TTI1: variants seen among roughly 807,000 people sequenced by gnomAD.
TTI1 encodes TELO2-interacting protein 1 homolog.
Under a neutral mutation model 85.4 loss-of-function variants are expected in TTI1, and 52 were observed. That is an observed-to-expected ratio of 0.61 (90% CI 0.49 to 0.77). The LOEUF is 0.77. Ranked by LOEUF, TTI1 falls within the 30% of genes least tolerant of loss-of-function variation. The pLI is 0.00. For synonymous variants in TTI1, 512 were observed against 503.9 expected (o/e 1.02, Z -0.22); for missense variants, 1,173 against 1,296.0 (o/e 0.91, Z 1.46).
intron 7 of TTI1, 33 bp from the exon 8 acceptor site, chr20:37,983,672 TAC>T: frequency 6.9e-7 from 1 of 1,455,928 alleles, no homozygotes; most frequent in Non-Finnish European, 9.1e-7. Flanking sequence ...GAGTAGAGGG[TAC>T]AGAGAGGGAA....
At chr20:38,001,152 C>T (rs1414938982) in intron 4 of TTI1, among the ~76,000 whole-genome samples, 1 of 152,220 alleles carries the variant, frequency 6.6e-6, no homozygotes, top group Non-Finnish European at 1.5e-5. Context: ...CCCCTCTACA[C>T]ATCCTCTGCC....
chr20:38,012,110 A>C lies in TTI1; in HGVS notation c.1707T>G (p.Asn569Lys), dbSNP rs1436101549. The change falls in exon 2 of 8, where the codon AAT becomes AAG. Residue 569 changes from asparagine (N) to lysine (K), a missense_variant. By Grantham distance (94) the Asn-to-Lys change is moderately conservative. Coordinates refer to ENST00000373447, the MANE Select transcript of TTI1 (RefSeq NM_001303457.2). Reference sequence around the variant, plus strand: ...TTTCAAGACAGGTAACCAAATACCAATTTTCTTGACTTGTGTATTCTTCAA... The same window carrying C: ...TTTCAAGACAGGTAACCAAATACCACTTTTCTTGACTTGTGTATTCTTCAA... ...SILEEYTSQE[N>K]WYLVTCLETE... The C allele has an allele frequency of 6.2e-7, 1 of 1,613,954 alleles. No individual in the cohort carries two copies. The highest frequency in any genetic ancestry group is 1.3e-5 in the African/African-American group (1 of 74,868).
rs372320482 is a variant in TTI1, at chr20:37,997,987, T to A, written c.2794-1034A>T. Among the ~76,000 whole-genome samples the A allele has an allele frequency of 1.2e-4, 18 of 152,318 alleles. No homozygotes were observed. The East Asian group carries it at 3.3e-3, about 28-fold the overall frequency. Reference sequence around the variant, plus strand: ...GTCGCACAGGCTGGATGGAGTGCAGTGGCACGATCTTGGCTCACTGCAACC... The same window carrying A: ...GTCGCACAGGCTGGATGGAGTGCAGAGGCACGATCTTGGCTCACTGCAACC... On this transcript the variant is annotated intron_variant, in intron 5 of 7. Transcript: ENST00000373447.
At chr20:38,011,411 C>G in intron 2 of TTI1, 104 bp downstream of exon 2, 1 of 1,292,290 alleles carries the variant, frequency 7.7e-7, no homozygotes, top group Non-Finnish European at 1.0e-6. Flanking sequence ...ATTAAAACGT[C>G]CTCCATAGCA....
chr20:37,985,904 C>T (rs555155469), intron 7 of TTI1, among the ~76,000 whole-genome samples: 42 of 152,240 alleles, frequency 2.8e-4, no homozygotes, highest in Admixed American at 9.8e-4. Context: ...TTTATAACCT[C>T]CATAGTGGTT....
intron 7 of TTI1, among the ~76,000 whole-genome samples, chr20:37,986,770 C>G (rs895795462): frequency 2.0e-5 from 3 of 152,206 alleles, no homozygotes; most frequent in Non-Finnish European, 4.4e-5. Flanking sequence ...GAGAGGGACA[C>G]AGAGTCTGAG....
chr20:37,996,270 G>T, intron 7 of TTI1, 105 bp downstream of exon 7: 3 of 1,158,910 alleles, frequency 2.6e-6, no homozygotes, highest in Non-Finnish European at 3.8e-6. Context: ...AACCTGGCAG[G>T]GTGACAGAGA....
At position 38,012,262 on chromosome 20, in the gene TTI1, G is replaced by A. The variant is rs750116049; in HGVS notation, c.1555C>T (p.Arg519Trp). 9.3e-6 allele frequency: 15 copies of A among 1,614,024 alleles called. No homozygotes were observed. In the Admixed American group the frequency reaches 1.0e-4, roughly 11 times the overall value. The change falls in exon 2 of 8, where the codon CGG (arginine) becomes TGG (tryptophan). Residue 519 changes from arginine (R) to tryptophan (W), a missense_variant. By Grantham distance (101) the Arg-to-Trp change is moderately radical. Coordinates refer to ENST00000373447, the MANE Select transcript of TTI1 (RefSeq NM_001303457.2). ...TTAAGGATCATGGCAGCTTGCTTCC[G>A]GTAAACCACAGATTGATGGTAAAGT... ...MELYHQSVVY[R>W]KQAAMILNEL...
intron 2 of TTI1, among the ~76,000 whole-genome samples, chr20:38,010,936 A>G (rs1334914644): frequency 6.6e-6 from 1 of 152,220 alleles, no homozygotes; most frequent in African/African-American, 2.4e-5. Flanking sequence ...TGTGGCTATT[A>G]AAATTAAGTA....
intron 3 of TTI1, among the ~76,000 whole-genome samples, chr20:38,004,139 A>C (rs568650173): frequency 1.3e-5 from 2 of 152,330 alleles, no homozygotes; most frequent in East Asian, 3.9e-4. Context: ...ATTAAATGAG[A>C]TATTACCAGT....
intron 7 of TTI1, chr20:37,987,117 T>A: frequency 2.2e-6 from 1 of 455,706 alleles, no homozygotes; most frequent in Admixed American, 2.4e-5. Context: ...CGCACCCTTG[T>A]TGGCTTTAAG....
At chr20:38,026,129 C>T (rs187846397) in intron 1 of TTI1, among the ~76,000 whole-genome samples, 1 of 152,112 alleles carries the variant, frequency 6.6e-6, no homozygotes, top group African/African-American at 2.4e-5. Flanking sequence ...TGAAAGCATC[C>T]AGAGAAAAAT....
At chr20:37,998,218 G>A (rs932382674) in intron 5 of TTI1, among the ~76,000 whole-genome samples, 2 of 151,998 alleles carry the variant, frequency 1.3e-5, no homozygotes, top group South Asian at 4.2e-4. Flanking sequence ...ATGAGCCACC[G>A]CGACTGGCCT....
At chr20:38,002,913 A>T in intron 3 of TTI1, 137 bp from the exon 4 acceptor site, 1 of 1,176,900 alleles carries the variant, frequency 8.5e-7, no homozygotes, top group Non-Finnish European at 1.2e-6. Flanking sequence ...CCTCCACTCA[A>T]GGGGGAATAG....
intron 5 of TTI1, 93 bp downstream of exon 5, chr20:37,999,095 C>T (rs1419172031): frequency 4.8e-6 from 6 of 1,257,088 alleles, no homozygotes; most frequent in African/African-American, 4.6e-5. Context: ...ACATTGCAAT[C>T]GGGTGAAGAG....
chr20:38,023,889 G>T (rs1457123746), intron 1 of TTI1, among the ~76,000 whole-genome samples: 1 of 152,208 alleles, frequency 6.6e-6, no homozygotes, highest in Non-Finnish European at 1.5e-5. Context: ...GGCTAACACT[G>T]TAAGGGAAGT....
chr20:38,012,868 G>C lies in TTI1; in HGVS notation c.949C>G (p.Leu317Val), dbSNP rs2073620978. 1 of 1,614,044 alleles carries C rather than the reference G, an allele frequency of 6.2e-7. No homozygotes were observed. Among genetic ancestry groups the C allele is most frequent in the Non-Finnish European group, 8.5e-7 (1 of 1,180,052 alleles). ...RLELVELVED[L>V]LLKCSQSLVE... ...AATGATTGACTGCACTTCAAAAGAA[G>C]GTCCTCCACAAGTTCTACCAGTTCC... Residue 317 changes from leucine to valine, a missense_variant, in exon 2 of 8, where the codon CTT becomes GTT. Transcript: ENST00000373447.
Position 38,011,679 on chromosome 20 carries a change from G to T in TTI1, c.2138C>A (p.Pro713His). 1 of 1,614,196 alleles carries T rather than the reference G, an allele frequency of 6.2e-7. No individual in the cohort carries two copies. Among genetic ancestry groups the T allele is most frequent in the Non-Finnish European group, 8.5e-7 (1 of 1,180,032 alleles). ...GACTTCCAGGACCTTTGGGGTATGAGGATGCAGAGCCAGATGACGCAGATT... is the reference window on the plus strand; with the variant it reads ...GACTTCCAGGACCTTTGGGGTATGATGATGCAGAGCCAGATGACGCAGATT... ...SLNLRHLALH[P>H]HTPKVLEVML... The change falls in exon 2 of 8, where the codon CCT becomes CAT. Residue 713 changes from proline to histidine, a missense_variant. Transcript: ENST00000373447.
Position 38,013,469 on chromosome 20 carries a change from G to A in TTI1, c.348C>T (p.Ser116=), listed in dbSNP as rs117364049. The A allele has an allele frequency of 7.5e-3, 12,117 of 1,613,936 alleles. 62 individuals are homozygous for A. Among genetic ancestry groups the A allele is most frequent in the Non-Finnish European group, 8.9e-3 (10,471 of 1,180,016 alleles). Reference sequence around the variant, plus strand: ...GGATCACAGCCAATTTCAACTCCTCGGACACAGCCGCAGGTTTTTGGGAGC... The same window carrying A: ...GGATCACAGCCAATTTCAACTCCTCAGACACAGCCGCAGGTTTTTGGGAGC... ...SPSSQKPAAV[S]EELKLAVIQG... Residue 116 remains serine (S), a synonymous_variant, in exon 2 of 8, where the codon TCC becomes TCT. Transcript: ENST00000373447.
Sources: allele counts gnomAD v4.1 joint callset (sites outside exome capture counted in the v4.1 genomes callset), GRCh38; gene constraint gnomAD v4.1.1; transcripts MANE v1.5; gene names NCBI Gene and HGNC (gene_info 2026-07-23, HGNC 2026-07-21).